The following UTS2B variants were observed in gnomAD, a reference collection of about 807,000 sequenced individuals.
UTS2B encodes the protein urotensin 2B.
Under a neutral mutation model 19.2 loss-of-function variants are expected in UTS2B, and 21 were observed. The observed-to-expected ratio is 1.09, with a 90% confidence interval of 0.78 to 1.58. UTS2B has a LOEUF of 1.58. Ranked by LOEUF, UTS2B falls within the 40% of genes most tolerant of loss-of-function variation. UTS2B has a pLI of 0.00. For missense variants in UTS2B, 138 were observed against 130.3 expected (o/e 1.06, Z -0.29); for synonymous variants, 57 against 50.2 (o/e 1.14, Z -0.58).
intron 2 of UTS2B, among the ~76,000 whole-genome samples, chr3:191,319,925 T>G (rs1300957992): frequency 1.3e-5 from 2 of 151,692 alleles, no homozygotes; most frequent in Admixed American, 6.6e-5. Context: ...TGGAAAATTA[T>G]TATTTGGTCA....
chr3:191,277,082 T>C (rs1313063336), intron 6 of UTS2B, among the ~76,000 whole-genome samples: 1 of 152,212 alleles, frequency 6.6e-6, no homozygotes, highest in African/African-American at 2.4e-5. Flanking sequence ...AAAGTTTTTC[T>C]AACGTAGACC....
chr3:191,335,422 A>T (rs550431366), upstream of UTS2B, among the ~76,000 whole-genome samples: 40 of 152,284 alleles, frequency 2.6e-4, no homozygotes, highest in African/African-American at 9.1e-4. Context: ...AATAACCTAG[A>T]TCTTAGATAA....
At chr3:191,330,042 C>G (rs1717911792) in intron 1 of UTS2B, among the ~76,000 whole-genome samples, 1 of 151,748 alleles carries the variant, frequency 6.6e-6, no homozygotes, top group Non-Finnish European at 1.5e-5. Flanking sequence ...CCGGGTGAAT[C>G]TGACTTACTC....
At chr3:191,293,683 T>G (rs1716775882) in intron 4 of UTS2B, among the ~76,000 whole-genome samples, 1 of 152,028 alleles carries the variant, frequency 6.6e-6, no homozygotes, top group Admixed American at 6.5e-5. Flanking sequence ...CAGAAGGGGC[T>G]TTGATCTAGT....
chr3:191,271,937 CTAAGACTTCTCTGT>C, intron 8 of UTS2B, among the ~76,000 whole-genome samples: 1 of 152,262 alleles, frequency 6.6e-6, no homozygotes, highest in Non-Finnish European at 1.5e-5. Context: ...TCAGCTATTC[CTAAGACTTCTCTGT>C]ATTTCCTAGG....
chr3:191,326,382 T>G (rs1717746848), intron 2 of UTS2B, among the ~76,000 whole-genome samples: 1 of 152,158 alleles, frequency 6.6e-6, no homozygotes, highest in Non-Finnish European at 1.5e-5. Context: ...AATTTGGTAG[T>G]TTTCAAACTG....
chr3:191,299,922 G>C (rs1365115372), intron 4 of UTS2B, among the ~76,000 whole-genome samples: 2 of 152,260 alleles, frequency 1.3e-5, no homozygotes, highest in African/African-American at 2.4e-5. Context: ...CTGGATAGGA[G>C]ACATGGAGTC....
chr3:191,283,235 A>T (rs1479086450), intron 4 of UTS2B, among the ~76,000 whole-genome samples: 1 of 152,156 alleles, frequency 6.6e-6, no homozygotes, highest in East Asian at 1.9e-4. Context: ...ATTTTTCACT[A>T]TATATTTTTG....
intron 1 of UTS2B, among the ~76,000 whole-genome samples, chr3:191,329,955 GGC>G (rs1717905337): frequency 8.8e-6 from 1 of 113,274 alleles, no homozygotes; most frequent in Non-Finnish European, 1.9e-5. Context: ...GGGGGGGGGG[GGC>G]TAGCAGCAGC....
intron 4 of UTS2B, among the ~76,000 whole-genome samples, chr3:191,300,781 C>T (rs935651646): frequency 1.3e-5 from 2 of 152,072 alleles, no homozygotes; most frequent in African/African-American, 4.8e-5. Flanking sequence ...GCAACTGCCC[C>T]CTCTCTCTCT....
intron 3 of UTS2B, among the ~76,000 whole-genome samples, chr3:191,310,996 ATT>A (rs1271500631): frequency 1.3e-5 from 2 of 152,260 alleles, no homozygotes; most frequent in African/African-American, 4.8e-5. Context: ...CAAAGAAGCA[ATT>A]TAAAGGTTCT....
chr3:191,320,400 T>G (rs1717582840), intron 2 of UTS2B, among the ~76,000 whole-genome samples: 1 of 152,154 alleles, frequency 6.6e-6, no homozygotes, highest in Non-Finnish European at 1.5e-5. Context: ...GAGAAGGGAA[T>G]GAGAGGAAGC....
Position 191,301,700 on chromosome 3 carries a change from A to G in UTS2B, c.-125+2792T>C, listed in dbSNP as rs561660560. On this transcript the variant is annotated intron_variant, in intron 4 of 8. Coordinates refer to ENST00000340524, the MANE Select transcript of UTS2B (RefSeq NM_198152.5). ...GAGACGGGGTTTCACCGAGTTAGCC[A>G]GGATGGTCTCGATCTCCTGACCTTG... Among the ~76,000 whole-genome samples the G allele has an allele frequency of 2.7e-3, 411 of 151,620 alleles. 6 individuals carry two copies. The highest frequency in any genetic ancestry group is 0.018 in the Admixed American group (268 of 15,236).
chr3:191,296,520 G>T (rs911241919), intron 4 of UTS2B, among the ~76,000 whole-genome samples: 1 of 152,136 alleles, frequency 6.6e-6, no homozygotes, highest in Non-Finnish European at 1.5e-5. Flanking sequence ...CCTTGTTCAT[G>T]ACTGTGAACA....
chr3:191,287,943 G>A (rs181482832), intron 4 of UTS2B, among the ~76,000 whole-genome samples: 3 of 152,082 alleles, frequency 2.0e-5, no homozygotes, highest in African/African-American at 7.2e-5. Context: ...GTTCATTAAA[G>A]TTGCAGGATA....
At chr3:191,340,985 C>A in the UTS2B span, among the ~76,000 whole-genome samples, 1 of 148,330 alleles carries the variant, frequency 6.7e-6, no homozygotes, top group Non-Finnish European at 1.5e-5. Flanking sequence ...ACAGGCCCAG[C>A]TAATTAATTT....
At chr3:191,311,402 T>C (rs1717298121) in intron 3 of UTS2B, among the ~76,000 whole-genome samples, 1 of 152,260 alleles carries the variant, frequency 6.6e-6, no homozygotes, top group South Asian at 2.1e-4. Flanking sequence ...TTTTCCAAAG[T>C]GGCATTCAGA....
At chr3:191,336,968 AAAT>A in the UTS2B span, among the ~76,000 whole-genome samples, 3 of 152,236 alleles carry the variant, frequency 2.0e-5, no homozygotes, top group African/African-American at 7.2e-5. Flanking sequence ...GATTCAAAAA[AAAT>A]AATGTTTTGT....
At chr3:191,323,136 T>TTTATTTTATTTTATG (rs1553835420) in intron 2 of UTS2B, among the ~76,000 whole-genome samples, 43,386 of 148,816 alleles carry the variant, frequency 0.29, 6,953 homozygotes, top group Non-Finnish European at 0.34. Context: ...GTGCTGTTAT[T>TTTATTTTATTTTATG]TTATTTTATT....
Sources: gnomAD v4.1 joint callset for allele counts (sites outside exome capture counted in the v4.1 genomes callset) on GRCh38, gnomAD v4.1.1 for gene constraint, MANE v1.5 for transcripts, NCBI Gene and HGNC (gene_info 2026-07-23, HGNC 2026-07-21) for gene names.